PPP2R3C: variants seen among roughly 807,000 people sequenced by gnomAD.
PPP2R3C encodes the protein serine/threonine-protein phosphatase 2A regulatory subunit B'' subunit gamma.
A neutral mutation model predicts 63.7 loss-of-function variants in PPP2R3C; 47 were observed. The observed-to-expected ratio is 0.74, with a 90% CI of 0.58 to 0.94. The LOEUF (loss-of-function observed/expected upper bound fraction) is 0.94, where lower values mean the gene tolerates loss of function less well. Ranked by LOEUF, PPP2R3C falls within the 40% of genes least tolerant of loss-of-function variation. The probability of loss-of-function intolerance (pLI) is 0.00; values close to 1 mark genes in which losing one functional copy is unlikely to be tolerated. For synonymous variants in PPP2R3C, 180 were observed against 177.4 expected (o/e 1.01, Z -0.12); for missense variants, 421 against 518.4 (o/e 0.81, Z 1.82).
At chr14:35,087,245 AACT>A (rs1438550885) in intron 12 of PPP2R3C, 3 of 152,210 alleles carry the variant, frequency 2.0e-5, no homozygotes, top group African/African-American at 7.2e-5. Context: ...GTAGTAAAAT[AACT>A]ACAAAATTTG....
At chr14:35,088,461 T>C (rs1308972646) in intron 11 of PPP2R3C, among the ~76,000 whole-genome samples, 1 of 152,174 alleles carries the variant, frequency 6.6e-6, no homozygotes, top group African/African-American at 2.4e-5. Context: ...ATACAAGAAA[T>C]GGAGGTAGAC....
Position 35,085,797 on chromosome 14 carries a change from T to A in PPP2R3C, c.1174-19A>T. 1 of 1,560,756 alleles carries A rather than the reference T, an allele frequency of 6.4e-7. No individual in the cohort carries two copies. On this transcript the variant is annotated intron_variant, in intron 12 of 12. Coordinates refer to ENST00000261475, the MANE Select transcript of PPP2R3C (RefSeq NM_017917.4). ...TTTCATCCTGCAAGAGAAAAAAAAA[T>A]ACAATGAAATTTGATCCACTTAATT...
intron 7 of PPP2R3C, chr14:35,098,909 G>C: frequency 5.8e-6 from 1 of 173,900 alleles, no homozygotes; most frequent in East Asian, 1.7e-4. Context: ...ATGTCACACA[G>C]CAGAGACAGC....
In PPP2R3C at chr14:35,095,200, A is replaced by T. The variant is rs767928902; in HGVS notation, c.839-16T>A. The T allele has an allele frequency of 1.9e-6, 3 of 1,607,644 alleles. No homozygotes were observed. The South Asian group carries it at 3.3e-5, about 18-fold the overall frequency. ...AAGTACTGGCCTTGGGAAGAAAAAT[A>T]ATAAAGACACTTATGACCACAATAA... On this transcript the variant is annotated splice_polypyrimidine_tract_variant and intron_variant, in intron 9 of 12. Coordinates refer to ENST00000261475, the MANE Select transcript of PPP2R3C (RefSeq NM_017917.4).
chr14:35,120,644 A>C (rs899877470), intron 1 of PPP2R3C, among the ~76,000 whole-genome samples: 4 of 152,140 alleles, frequency 2.6e-5, no homozygotes, highest in African/African-American at 9.7e-5. Context: ...GGAGATGAGA[A>C]GAATAGTGTA....
chr14:35,090,988 T>C (rs1406544457), intron 11 of PPP2R3C, 82 bp downstream of exon 11: 4 of 1,346,910 alleles, frequency 3.0e-6, no homozygotes, highest in Non-Finnish European at 4.1e-6. Flanking sequence ...GTGCTGGGAT[T>C]ACAGGCGTGA....
At chr14:35,103,782 A>T (rs2046266454) in intron 6 of PPP2R3C, among the ~76,000 whole-genome samples, 1 of 152,250 alleles carries the variant, frequency 6.6e-6, no homozygotes, top group Non-Finnish European at 1.5e-5. Context: ...TGTCTACTAA[A>T]TGCTTAATAA....
At chr14:35,108,921 T>C (rs2046451555) in intron 4 of PPP2R3C, among the ~76,000 whole-genome samples, 1 of 152,042 alleles carries the variant, frequency 6.6e-6, no homozygotes, top group East Asian at 1.9e-4. Flanking sequence ...AAGTCATAAA[T>C]GTTTGCATTC....
At chr14:35,088,145 T>A in intron 11 of PPP2R3C, 135 bp from the exon 12 acceptor site, 1 of 712,954 alleles carries the variant, frequency 1.4e-6, no homozygotes, top group East Asian at 2.7e-5. Flanking sequence ...CTTGCCAATC[T>A]TCTTAGCTTT....
intron 2 of PPP2R3C, 51 bp from the exon 3 acceptor site, chr14:35,110,680 T>A: frequency 8.2e-7 from 1 of 1,213,860 alleles, no homozygotes; most frequent in East Asian, 2.3e-5. Flanking sequence ...TACTGGATCC[T>A]ATAAAATGTA....
intron 6 of PPP2R3C, among the ~76,000 whole-genome samples, chr14:35,103,568 A>T (rs1346740103): frequency 6.6e-6 from 1 of 152,202 alleles, no homozygotes; most frequent in Non-Finnish European, 1.5e-5. Flanking sequence ...TGCTAGAAAA[A>T]ATAGGTCTAC....
chr14:35,100,421 A>C (rs2046148443), intron 6 of PPP2R3C: 1 of 151,998 alleles, frequency 6.6e-6, no homozygotes, highest in Non-Finnish European at 1.5e-5. Context: ...TGAATTTTAT[A>C]CTCCCACCAG....
intron 6 of PPP2R3C, among the ~76,000 whole-genome samples, chr14:35,103,216 G>A (rs1039627802): frequency 2.0e-5 from 3 of 152,148 alleles, no homozygotes; most frequent in African/African-American, 4.8e-5. Context: ...GGCCCTACAT[G>A]TGGCCCCTGC....
intron 3 of PPP2R3C, 34 bp from the exon 4 acceptor site, chr14:35,109,965 G>A: frequency 2.8e-6 from 4 of 1,453,826 alleles, no homozygotes; most frequent in Non-Finnish European, 3.8e-6. Flanking sequence ...GATGTTGTAA[G>A]TTAAAAACAA....
chr14:35,121,076 G>A (rs745873629), intron 1 of PPP2R3C, among the ~76,000 whole-genome samples: 4 of 152,064 alleles, frequency 2.6e-5, no homozygotes, highest in Non-Finnish European at 5.9e-5. Flanking sequence ...TAGTGGACTT[G>A]TATTAAAAGT....
chr14:35,117,316 T>C (rs1375861003), intron 1 of PPP2R3C: 1 of 381,586 alleles, frequency 2.6e-6, no homozygotes. Flanking sequence ...TTGTGGACTA[T>C]GGTGACTGGT....
chr14:35,096,088 C>G (rs1399938578), intron 9 of PPP2R3C, among the ~76,000 whole-genome samples: 2 of 152,152 alleles, frequency 1.3e-5, no homozygotes, highest in African/African-American at 4.8e-5. Flanking sequence ...TGCCTATAAT[C>G]CCAACACTTT....
At chr14:35,105,488 C>G (rs975096650) in intron 6 of PPP2R3C, among the ~76,000 whole-genome samples, 1 of 147,402 alleles carries the variant, frequency 6.8e-6, no homozygotes, top group Non-Finnish European at 1.5e-5. Flanking sequence ...GCCAAAAGGC[C>G]TTTTTTTTTT....
intron 11 of PPP2R3C, among the ~76,000 whole-genome samples, chr14:35,088,531 C>T (rs1006502243): frequency 2.0e-5 from 3 of 152,184 alleles, no homozygotes; most frequent in African/African-American, 7.2e-5. Context: ...TGCTGTCATC[C>T]AGTAGGAATA....
Sources: gnomAD v4.1 joint callset for allele counts (sites outside exome capture counted in the v4.1 genomes callset) on GRCh38, gnomAD v4.1.1 for gene constraint, MANE v1.5 for transcripts, NCBI Gene and HGNC (gene_info 2026-07-23, HGNC 2026-07-21) for gene names.